Variants in SLC44A5 observed in about 807,000 individuals in gnomAD.
The protein encoded by SLC44A5 is choline transporter-like protein 5.
SLC44A5 carries 57 observed loss-of-function variants against 101.8 expected under a neutral mutation model. That is an observed-to-expected ratio of 0.56 (90% CI 0.45 to 0.70). SLC44A5 has a LOEUF of 0.70. Ranked by LOEUF, SLC44A5 falls within the 30% of genes least tolerant of loss-of-function variation. The pLI is 0.00. For synonymous variants in SLC44A5, 281 were observed against 290.9 expected (o/e 0.97, Z 0.35); for missense variants, 737 against 853.1 (o/e 0.86, Z 1.70).
intron 1 of SLC44A5, among the ~76,000 whole-genome samples, chr1:75,575,401 T>C (rs1255943411): frequency 6.6e-6 from 1 of 152,170 alleles, no homozygotes; most frequent in Non-Finnish European, 1.5e-5. Flanking sequence ...AAGTGACAAA[T>C]GAATCATATT....
At chr1:75,330,711 TTG>T (rs1194486593) in intron 4 of SLC44A5, among the ~76,000 whole-genome samples, 2 of 152,166 alleles carry the variant, frequency 1.3e-5, no homozygotes, top group African/African-American at 2.4e-5. Context: ...ACTGAAAGTG[TTG>T]TCTTTATTGC....
the SLC44A5 span, among the ~76,000 whole-genome samples, chr1:75,681,770 G>C: frequency 6.6e-6 from 1 of 150,842 alleles, no homozygotes; most frequent in African/African-American, 2.4e-5. Context: ...CAATTAGGCA[G>C]GAGAAGGAAA....
chr1:75,591,455 C>T (rs1260428367), intron 1 of SLC44A5, among the ~76,000 whole-genome samples: 2 of 152,038 alleles, frequency 1.3e-5, no homozygotes, highest in African/African-American at 4.8e-5. Context: ...GATTTGATTA[C>T]CTAGTATTTT....
chr1:75,239,465 A>G (rs1282118856), intron 9 of SLC44A5, among the ~76,000 whole-genome samples: 1 of 152,024 alleles, frequency 6.6e-6, no homozygotes, highest in Non-Finnish European at 1.5e-5. Context: ...AAACCTGAAG[A>G]TATTAAAGCA....
intron 5 of SLC44A5, among the ~76,000 whole-genome samples, chr1:75,290,751 G>A (rs1653473159): frequency 6.6e-6 from 1 of 152,042 alleles, no homozygotes; most frequent in Admixed American, 6.6e-5. Flanking sequence ...GATTTGGAGG[G>A]GAAAATGAAA....
At chr1:75,421,782 T>C (rs1218296328) in intron 2 of SLC44A5, among the ~76,000 whole-genome samples, 1 of 152,026 alleles carries the variant, frequency 6.6e-6, no homozygotes, top group Non-Finnish European at 1.5e-5. Flanking sequence ...GCTTTTGTTA[T>C]ATAATACAAA....
rs10598515 is a variant in SLC44A5, at chr1:75,368,643, GCACA to G, written c.52+27936_52+27939del. Among the ~76,000 whole-genome samples, 606 of 144,012 alleles carry G rather than the reference GCACA, an allele frequency of 4.2e-3. 1 individual carries two copies. Among genetic ancestry groups the G allele is most frequent in the African/African-American group, 0.012 (463 of 39,076 alleles). 94.5% of individuals were successfully genotyped at this position (144,012 alleles called of 152,430 possible). A position where few individuals can be genotyped will look rare whatever the true frequency, so the allele number is the denominator to read the frequency against. On this transcript the variant is annotated intron_variant, in intron 3 of 23. Transcript: ENST00000370859. ...CTCTCTGTCTCTTTAAAATGTGCAT[GCACA>G]CACACACACACACACACACACACAC...
At chr1:75,460,492 G>A (rs561938474) in intron 2 of SLC44A5, among the ~76,000 whole-genome samples, 1 of 152,302 alleles carries the variant, frequency 6.6e-6, no homozygotes, top group African/African-American at 2.4e-5. Context: ...TATGAAACTG[G>A]AAGATATAAG....
chr1:75,299,137 T>G (rs946540777), intron 5 of SLC44A5, among the ~76,000 whole-genome samples: 2 of 152,174 alleles, frequency 1.3e-5, no homozygotes, highest in Non-Finnish European at 2.9e-5. Flanking sequence ...GTAAGAAAAT[T>G]TATTTTATTA....
intron 18 of SLC44A5, among the ~76,000 whole-genome samples, chr1:75,216,969 T>G (rs2100483987): frequency 6.6e-6 from 1 of 152,178 alleles, no homozygotes; most frequent in East Asian, 1.9e-4. Context: ...TGAAGTTCAA[T>G]TTATTTTTCT....
intron 1 of SLC44A5, among the ~76,000 whole-genome samples, chr1:75,575,552 A>G (rs554080704): frequency 6.6e-6 from 1 of 152,322 alleles, no homozygotes; most frequent in South Asian, 2.1e-4. Flanking sequence ...CTGGTAGGAA[A>G]TTTAGCGCAG....
chr1:75,370,668 A>G (rs963046796), intron 3 of SLC44A5, among the ~76,000 whole-genome samples: 1 of 152,306 alleles, frequency 6.6e-6, no homozygotes, highest in Non-Finnish European at 1.5e-5. Flanking sequence ...AAAAACTCAC[A>G]AGTGTATGAT....
the SLC44A5 span, among the ~76,000 whole-genome samples, chr1:75,650,967 A>C: frequency 1.3e-5 from 2 of 152,202 alleles, no homozygotes; most frequent in African/African-American, 2.4e-5. Flanking sequence ...TTATACCCAG[A>C]CTGTCTTTGA....
At chr1:75,211,700 A>T (rs1269883030) in intron 22 of SLC44A5, 148 bp from the exon 23 acceptor site, 16 of 546,722 alleles carry the variant, frequency 2.9e-5, no homozygotes, top group Non-Finnish European at 4.8e-5. Flanking sequence ...AAGTTCAATG[A>T]TAATGCTTCT....
intron 6 of SLC44A5, among the ~76,000 whole-genome samples, chr1:75,269,535 T>A (rs1033471209): frequency 1.3e-5 from 2 of 151,986 alleles, no homozygotes; most frequent in African/African-American, 4.8e-5. Context: ...GGTTTTATAT[T>A]TTATATACAA....
chr1:75,408,484 CTAGA>C (rs1663051573), intron 2 of SLC44A5, among the ~76,000 whole-genome samples: 3 of 152,054 alleles, frequency 2.0e-5, no homozygotes, highest in Admixed American at 6.6e-5. Flanking sequence ...CAATGATAGA[CTAGA>C]TAAAGAAAAT....
At position 75,519,082 on chromosome 1, in the gene SLC44A5, A is replaced by G. The variant is rs376888061; in HGVS notation, c.13+22353T>C. Among the ~76,000 whole-genome samples, 18 of 152,124 alleles carry G rather than the reference A, an allele frequency of 1.2e-4. No individual in the cohort carries two copies. The East Asian group carries it at 3.5e-3, about 29-fold the overall frequency. ...AATCATTACTAGCTCTTATTTTTTCATTTGAACCCACAAACAGGGCTTTGG... is the reference window on the plus strand; with the variant it reads ...AATCATTACTAGCTCTTATTTTTTCGTTTGAACCCACAAACAGGGCTTTGG... On this transcript the variant is annotated intron_variant, in intron 2 of 23. Transcript: ENST00000370859.
At chr1:75,554,694 G>T (rs1320024578) in intron 1 of SLC44A5, among the ~76,000 whole-genome samples, 2 of 152,020 alleles carry the variant, frequency 1.3e-5, no homozygotes, top group Admixed American at 1.3e-4. Context: ...GCCATGTTAG[G>T]AGTTTAAATT....
intron 1 of SLC44A5, among the ~76,000 whole-genome samples, chr1:75,586,369 A>ATGTG (rs138209068): frequency 0.053 from 7,300 of 138,878 alleles, 539 homozygotes; most frequent in African/African-American, 0.18. Context: ...GTATGTATAT[A>ATGTG]TGTGTGTGTG....
Sources: gnomAD v4.1 joint callset for allele counts (sites outside exome capture counted in the v4.1 genomes callset) on GRCh38, gnomAD v4.1.1 for gene constraint, MANE v1.5 for transcripts, NCBI Gene and HGNC (gene_info 2026-07-23, HGNC 2026-07-21) for gene names.